The following DARS2 variants were observed in gnomAD, a reference collection of about 807,000 sequenced individuals.
DARS2 encodes the protein aspartate--tRNA ligase, mitochondrial.
Under a neutral mutation model 83.0 loss-of-function variants are expected in DARS2, and 63 were observed. The ratio of observed to expected loss-of-function variants is 0.76; its 90% CI spans 0.62 to 0.94. DARS2 has a LOEUF of 0.94. DARS2 is among the 40% of genes least tolerant of loss of function. DARS2 has a pLI of 0.00. For missense variants in DARS2, 675 were observed against 774.4 expected, an observed-to-expected ratio of 0.87 and a Z score of 1.52; for synonymous variants, 250 against 269.3, an observed-to-expected ratio of 0.93 and a Z score of 0.70.
intron 8 of DARS2, among the ~76,000 whole-genome samples, chr1:173,837,266 G>A (rs980026299): frequency 6.9e-6 from 1 of 145,464 alleles, no homozygotes; most frequent in Non-Finnish European, 1.5e-5. Flanking sequence ...GATGTGAGAG[G>A]GGATTTAAAA....
At position 173,825,224 on chromosome 1, in the gene DARS2, T is replaced by C. The variant is rs1191029556; in HGVS notation, c.-6T>C. The C allele has an allele frequency of 1.2e-6, 2 of 1,611,436 alleles. No homozygotes were observed. The highest frequency in any genetic ancestry group is 1.7e-6 in the Non-Finnish European group (2 of 1,178,370). On this transcript the variant is annotated 5_prime_UTR_variant, in exon 1 of 17. Transcript: ENST00000649689. ...TGATTGTTTTTCGCCATCGTGTGGC[T>C]CCAACATGTACTTCCCTTCTTGGTT...
intron 6 of DARS2, among the ~76,000 whole-genome samples, chr1:173,833,970 C>T (rs1208361338): frequency 6.6e-6 from 1 of 152,092 alleles, no homozygotes; most frequent in Non-Finnish European, 1.5e-5. Flanking sequence ...TTATGTTGCC[C>T]AGGCTGGTCT....
Position 173,850,393 on chromosome 1 carries a change from G to C in DARS2, c.1258G>C (p.Glu420Gln). Reference sequence around the variant, plus strand: ...TTCTCCAGTTGCTAATTTCATAATGGAGTCACAAAGACTGGAATTAATCAG... The same window carrying C: ...TTCTCCAGTTGCTAATTTCATAATGCAGTCACAAAGACTGGAATTAATCAG... ...WNSPVANFIMESQRLELIRLM... is the reference protein window; with the variant it reads ...WNSPVANFIMQSQRLELIRLM... The change falls in exon 13 of 17, where the codon GAG becomes CAG. Residue 420 changes from glutamate (E) to glutamine (Q), a missense_variant. Coordinates refer to ENST00000649689, the MANE Select transcript of DARS2 (RefSeq NM_018122.5). The C allele has an allele frequency of 6.2e-7, 1 of 1,613,718 alleles. No individual in the cohort carries two copies. The highest frequency in any genetic ancestry group is 8.5e-7 in the Non-Finnish European group (1 of 1,179,924).
chr1:173,849,215 A>G (rs913803397), intron 12 of DARS2, among the ~76,000 whole-genome samples: 2 of 149,622 alleles, frequency 1.3e-5, no homozygotes, highest in Non-Finnish European at 3.0e-5. Flanking sequence ...GGTTATCTGT[A>G]CATATTCAAG....
At chr1:173,831,746 G>A in intron 5 of DARS2, 116 bp downstream of exon 5, 1 of 813,962 alleles carries the variant, frequency 1.2e-6, no homozygotes, top group Admixed American at 2.0e-5. Flanking sequence ...GCATTTTATT[G>A]TAGACACATC....
At chr1:173,838,691 G>A (rs1417995847) in intron 9 of DARS2, among the ~76,000 whole-genome samples, 2 of 151,628 alleles carry the variant, frequency 1.3e-5, no homozygotes, top group Admixed American at 6.6e-5. Flanking sequence ...AAGCTGTTAC[G>A]ATTTGCTTTC....
chr1:173,834,773 TTTTTTTTTG>T (rs1652937083), intron 7 of DARS2, among the ~76,000 whole-genome samples: 5 of 98,360 alleles, frequency 5.1e-5, no homozygotes, highest in African/African-American at 2.4e-4. Flanking sequence ...GTTTTGGGTT[TTTTTTTTTG>T]TTTTTTTTTT....
In DARS2 at chr1:173,842,201, T is replaced by C. The variant is rs1289592477; in HGVS notation, c.1128+1228T>C. Among the ~76,000 whole-genome samples the C allele has an allele frequency of 3.3e-5, 5 of 151,434 alleles. No homozygotes were observed. In the Admixed American group the frequency reaches 3.3e-4, roughly 10 times the overall value. ...AGTTATATTTTAAATAAGATTATGATTTTGAAAGTCTATACTCATTTGGAT... is the reference window on the plus strand; with the variant it reads ...AGTTATATTTTAAATAAGATTATGACTTTGAAAGTCTATACTCATTTGGAT... On this transcript the variant is annotated intron_variant, in intron 11 of 16. Transcript: ENST00000649689.
At chr1:173,831,727 C>T in intron 5 of DARS2, 97 bp downstream of exon 5, 1 of 962,506 alleles carries the variant, frequency 1.0e-6, no homozygotes, top group Non-Finnish European at 1.7e-6. Flanking sequence ...TTAACTTCTA[C>T]AAAATTAAGC....
At chr1:173,856,593 C>A in intron 15 of DARS2, 73 bp from the exon 16 acceptor site, 2 of 1,338,138 alleles carry the variant, frequency 1.5e-6, no homozygotes, top group Non-Finnish European at 2.1e-6. Context: ...TCCCCTTTAT[C>A]ATCTAAGCCT....
At position 173,853,900 on chromosome 1, in the gene DARS2, C is replaced by T. The variant is rs991691147; in HGVS notation, c.1669C>T (p.Leu557=). The change falls in exon 15 of 17, where the codon CTA becomes TTA. Residue 557 remains leucine (L), a synonymous_variant. Transcript: ENST00000649689. ...GCAGCGTTATATCCTGGCAACCTTA[C>T]TAAAGGTAACAAACATCATCTGCTA... ...ELQRYILATL[L]KEDVKMLSHL... 3 of 1,611,536 alleles carry T rather than the reference C, an allele frequency of 1.9e-6. No homozygotes were observed. Among genetic ancestry groups the T allele is most frequent in the South Asian group, 1.1e-5 (1 of 91,030 alleles).
rs746019389 is a variant in DARS2 at position 173,830,693 on chromosome 1, G to A, written c.328G>A (p.Ala110Thr). 1 of 1,613,944 alleles carries A rather than the reference G, an allele frequency of 6.2e-7. No homozygotes were observed. The highest frequency in any genetic ancestry group is 2.2e-5 in the East Asian group (1 of 44,874). Reference protein sequence around the residue: ...AASVKKILCEAPVESVVQVSG... With the variant: ...AASVKKILCETPVESVVQVSG... ...CTCTGTGAAGAAGATTTTATGTGAAGCCCCTGTGGAATCTGTGGTGCAAGT... is the reference window on the plus strand; with the variant it reads ...CTCTGTGAAGAAGATTTTATGTGAAACCCCTGTGGAATCTGTGGTGCAAGT... The change falls in exon 4 of 17, where the codon GCC becomes ACC. Residue 110 changes from alanine (A) to threonine (T), a missense_variant. Transcript: ENST00000649689.
At position 173,856,559 on chromosome 1, in the gene DARS2, G is replaced by C. The variant is rs1231682324; in HGVS notation, c.1675-107G>C. 4.2e-6 allele frequency: 4 copies of C among 942,114 alleles called. No homozygotes were observed. In the African/African-American group the frequency reaches 4.9e-5, roughly 12 times the overall value. The allele number at this position is 942,114 out of a possible 1,614,324, so 58.4% of individuals were successfully genotyped here. The stretch of plus-strand genomic sequence containing the variant: ...TTTATTATTGGTTAAGTCAGTTTTA[G>C]CTGTTTTAAAACTCAACTTTGTTTC... On this transcript the variant is annotated intron_variant, in intron 15 of 16. Coordinates refer to ENST00000649689, the MANE Select transcript of DARS2 (RefSeq NM_018122.5).
intron 2 of DARS2, 42 bp from the exon 3 acceptor site, chr1:173,828,291 T>A: frequency 6.3e-7 from 1 of 1,599,214 alleles, no homozygotes; most frequent in Non-Finnish European, 8.5e-7. Flanking sequence ...GACTTAGAGA[T>A]TTTATCTTAA....
rs766261057 is a variant in DARS2 at position 173,853,370 on chromosome 1, CG to C, written c.1367del (p.Arg456HisfsTer8). 1.9e-6 allele frequency: 3 copies of C among 1,613,810 alleles called. No homozygotes were observed. The Admixed American group carries it at 5.0e-5, about 27-fold the overall frequency. ...GCAGTGCTCTTTGTTAGGAAAATTA[CG>C]ACTGGAATGTGCTGACCTTCTAGAA... Reference protein sequence around the residue: ...NKACSLLGKLRLECADLLETR... With the variant: ...NKACSLLGKLXLECADLLETR... On this transcript the variant is annotated frameshift_variant, in exon 14 of 17. Transcript: ENST00000649689. LOFTEE classifies it high-confidence loss of function.
At chr1:173,847,437 C>A (rs978139549) in intron 12 of DARS2, among the ~76,000 whole-genome samples, 1 of 151,848 alleles carries the variant, frequency 6.6e-6, no homozygotes, top group Non-Finnish European at 1.5e-5. Flanking sequence ...TTTCTTCTTT[C>A]ATTCTTCTCT....
intron 10 of DARS2, among the ~76,000 whole-genome samples, chr1:173,839,859 G>T (rs1272621685): frequency 1.3e-5 from 2 of 148,358 alleles, no homozygotes; most frequent in African/African-American, 2.5e-5. Context: ...TTCCTTTTCA[G>T]TTTTTTTTTT....
chr1:173,856,060 C>G (rs1179531397), intron 15 of DARS2, among the ~76,000 whole-genome samples: 1 of 152,130 alleles, frequency 6.6e-6, no homozygotes, highest in African/African-American at 2.4e-5. Context: ...AACACTGGTG[C>G]CTTGGCTACA....
At chr1:173,827,779 T>C (rs1557853463) in intron 2 of DARS2, among the ~76,000 whole-genome samples, 1 of 152,200 alleles carries the variant, frequency 6.6e-6, no homozygotes, top group Non-Finnish European at 1.5e-5. Context: ...TGTTAAAATG[T>C]TGGCATTTCT....
Sources: gnomAD v4.1 joint callset for allele counts (sites outside exome capture counted in the v4.1 genomes callset) on GRCh38, gnomAD v4.1.1 for gene constraint, MANE v1.5 for transcripts, NCBI Gene and HGNC (gene_info 2026-07-23, HGNC 2026-07-21) for gene names.